Variants in MEGF11 observed in about 807,000 individuals in gnomAD.
The protein encoded by MEGF11 is multiple epidermal growth factor-like domains protein 11.
Under a neutral mutation model 146.6 loss-of-function variants are expected in MEGF11, and 126 were observed. The observed-to-expected ratio is 0.86, with a 90% CI of 0.74 to 1.00. The LOEUF (loss-of-function observed/expected upper bound fraction) is 1.00, where lower values mean the gene tolerates loss of function less well. Among genes scored for constraint, MEGF11 ranks in the 50% least tolerant of loss-of-function variants. The pLI is 0.00. For synonymous variants in MEGF11, 532 were observed against 583.4 expected, an observed-to-expected ratio of 0.91 and a Z score of 1.27; for missense variants, 1,509 against 1,521.2, an observed-to-expected ratio of 0.99 and a Z score of 0.13.
intron 1 of MEGF11, among the ~76,000 whole-genome samples, chr15:66,223,665 G>A (rs1231923305): frequency 6.6e-6 from 1 of 152,232 alleles, no homozygotes; most frequent in African/African-American, 2.4e-5. Flanking sequence ...AGAGGCTGCA[G>A]TGAGCTGAGA....
intron 4 of MEGF11, among the ~76,000 whole-genome samples, chr15:66,103,058 A>G (rs1231575458): frequency 6.6e-6 from 1 of 152,228 alleles, no homozygotes; most frequent in African/African-American, 2.4e-5. Context: ...GGAATTAACA[A>G]TAGGGTTCCC....
At chr15:66,182,927 G>A (rs894975573) in intron 1 of MEGF11, among the ~76,000 whole-genome samples, 1 of 152,184 alleles carries the variant, frequency 6.6e-6, no homozygotes, top group Non-Finnish European at 1.5e-5. Context: ...CACCCATGAC[G>A]AGTAGCAGGC....
At chr15:66,130,709 A>T (rs1161386379) in intron 1 of MEGF11, among the ~76,000 whole-genome samples, 2 of 97,046 alleles carry the variant, frequency 2.1e-5, no homozygotes, top group African/African-American at 7.1e-5. Flanking sequence ...GGGAAGAAGG[A>T]AAGAAAAAGA....
intron 1 of MEGF11, among the ~76,000 whole-genome samples, chr15:66,245,033 G>T (rs1247530193): frequency 5.9e-5 from 9 of 152,168 alleles, no homozygotes; most frequent in Admixed American, 3.9e-4. Context: ...TGCTACAGAA[G>T]TTCATGGGAA....
intron 1 of MEGF11, among the ~76,000 whole-genome samples, chr15:66,129,234 C>A (rs1426884644): frequency 6.6e-6 from 1 of 152,206 alleles, no homozygotes; most frequent in Non-Finnish European, 1.5e-5. Flanking sequence ...GGCTGAAGTG[C>A]CTCCTGAGGT....
intron 12 of MEGF11, 56 bp downstream of exon 12, chr15:65,929,664 G>A (rs1041954238): frequency 4.0e-6 from 6 of 1,516,392 alleles, no homozygotes; most frequent in African/African-American, 2.8e-5. Context: ...TAACACCAGG[G>A]AAAGGGCGTG....
At chr15:65,952,039 C>T (rs1051495407) in intron 10 of MEGF11, among the ~76,000 whole-genome samples, 4 of 152,118 alleles carry the variant, frequency 2.6e-5, no homozygotes, top group Admixed American at 1.3e-4. Flanking sequence ...TGAGAGGCCA[C>T]ATTCACATAA....
chr15:66,036,309 T>TC (rs2083724150), intron 5 of MEGF11, among the ~76,000 whole-genome samples: 1 of 152,120 alleles, frequency 6.6e-6, no homozygotes, highest in African/African-American at 2.4e-5. Flanking sequence ...TCCCTCATTC[T>TC]CCCTCCCAAA....
At chr15:66,250,077 T>C (rs2092350155) in intron 1 of MEGF11, among the ~76,000 whole-genome samples, 1 of 152,176 alleles carries the variant, frequency 6.6e-6, no homozygotes, top group South Asian at 2.1e-4. Flanking sequence ...TGCTGGAATT[T>C]AAGAGGGACA....
At position 65,929,744 on chromosome 15, in the gene MEGF11, T is replaced by TC. The variant is rs1423278737; in HGVS notation, c.1547dup (p.Asp517ArgfsTer4). The TC allele has an allele frequency of 6.4e-7, 1 of 1,552,222 alleles. No homozygotes were observed. Among genetic ancestry groups the TC allele is most frequent in the Admixed American group, 2.0e-5 (1 of 51,042 alleles). On this transcript the variant is annotated frameshift_variant, in exon 12 of 26. Coordinates refer to ENST00000395614, the MANE Select transcript of MEGF11 (RefSeq NM_001385028.1). LOFTEE classifies it high-confidence loss of function. The stretch of plus-strand genomic sequence containing the variant: ...CCGGGCAAGGCAGCTCACAGGTGTC[T>TC]CCCAGCCAGCCAGGAGTGCAGGAGC...
intron 5 of MEGF11, among the ~76,000 whole-genome samples, chr15:65,990,472 G>A (rs1287864876): frequency 6.6e-6 from 1 of 151,608 alleles, no homozygotes; most frequent in Non-Finnish European, 1.5e-5. Flanking sequence ...AATTGCTTGG[G>A]CCTGAGAGGT....
At chr15:66,253,377 G>A (rs975029666) in intron 1 of MEGF11, among the ~76,000 whole-genome samples, 4 of 152,192 alleles carry the variant, frequency 2.6e-5, no homozygotes, top group Non-Finnish European at 4.4e-5. Context: ...ACATCCTGCC[G>A]GACCCCCTGG....
intron 1 of MEGF11, among the ~76,000 whole-genome samples, chr15:66,135,247 G>C (rs1306497050): frequency 2.0e-5 from 3 of 151,126 alleles, no homozygotes; most frequent in Admixed American, 6.6e-5. Context: ...GGAACTGGAA[G>C]AAAAAAAAAG....
intron 5 of MEGF11, among the ~76,000 whole-genome samples, chr15:66,018,978 C>G (rs865890028): frequency 1.3e-5 from 2 of 152,214 alleles, no homozygotes; most frequent in Non-Finnish European, 1.5e-5. Context: ...CTCTGCCCCC[C>G]AGATGGGGAC....
At chr15:65,945,693 C>CA (rs781057713) in intron 10 of MEGF11, among the ~76,000 whole-genome samples, 6 of 152,154 alleles carry the variant, frequency 3.9e-5, no homozygotes, top group African/African-American at 7.2e-5. Flanking sequence ...TTCCTGCCAC[C>CA]ACCTGGGGAA....
At chr15:66,211,280 T>C (rs924511755) in intron 1 of MEGF11, among the ~76,000 whole-genome samples, 1 of 152,130 alleles carries the variant, frequency 6.6e-6, no homozygotes, top group Non-Finnish European at 1.5e-5. Flanking sequence ...TCTCAGCACT[T>C]TGGGAGGCCA....
chr15:66,186,381 C>T (rs1254326580), intron 1 of MEGF11, among the ~76,000 whole-genome samples: 1 of 152,138 alleles, frequency 6.6e-6, no homozygotes, highest in East Asian at 1.9e-4. Flanking sequence ...GTGCCAGGAC[C>T]TCAAGCCTTA....
chr15:66,223,493 T>C (rs1033951601), intron 1 of MEGF11, among the ~76,000 whole-genome samples: 6 of 152,186 alleles, frequency 3.9e-5, no homozygotes, highest in Non-Finnish European at 8.8e-5. Flanking sequence ...AATTGCGAGA[T>C]GGGTGGATCA....
rs972258768 is a variant in MEGF11, at chr15:66,169,952, A to G, written c.-8-41541T>C. Among the ~76,000 whole-genome samples, 3 of 152,188 alleles carry G rather than the reference A, an allele frequency of 2.0e-5. No individual in the cohort carries two copies. In the East Asian group the frequency reaches 5.8e-4, roughly 29 times the overall value. The stretch of plus-strand genomic sequence containing the variant: ...CCATGAGTCCACAGAAACTGCATAA[A>G]GTGTCCTTCTGCACAATTTATTTTG... On this transcript the variant is annotated intron_variant, in intron 1 of 25. Coordinates refer to ENST00000395614, the MANE Select transcript of MEGF11 (RefSeq NM_001385028.1).
Sources: gnomAD v4.1 joint callset for allele counts (sites outside exome capture counted in the v4.1 genomes callset) on GRCh38, gnomAD v4.1.1 for gene constraint, MANE v1.5 for transcripts, NCBI Gene and HGNC (gene_info 2026-07-23, HGNC 2026-07-21) for gene names.